PRIM2: variants seen among roughly 807,000 people sequenced by gnomAD.
PRIM2 encodes the protein DNA primase large subunit.
In PRIM2, 39 loss-of-function variants were observed where a neutral mutation model predicts 67.3. The observed-to-expected ratio is 0.58, with a 90% CI of 0.45 to 0.76. PRIM2 has a LOEUF of 0.76. Among genes scored for constraint, PRIM2 ranks in the 30% least tolerant of loss-of-function variants. The pLI, the probability that PRIM2 is intolerant of heterozygous loss-of-function variation, is 0.00. For missense variants in PRIM2, 398 were observed against 598.7 expected (o/e 0.66, Z 3.50); for synonymous variants, 143 against 198.7 (o/e 0.72, Z 2.36).
intron 7 of PRIM2, among the ~76,000 whole-genome samples, chr6:57,452,250 G>T (rs938617342): frequency 1.3e-5 from 2 of 152,098 alleles, no homozygotes; most frequent in African/African-American, 4.8e-5. Flanking sequence ...ACATATGTGT[G>T]CATGTGTCTT....
the PRIM2 span, among the ~76,000 whole-genome samples, chr6:57,255,423 G>A: frequency 2.0e-5 from 3 of 151,770 alleles, no homozygotes; most frequent in South Asian, 2.1e-4. Flanking sequence ...GCGTGAACCC[G>A]GGAGGCAGAG....
At chr6:57,307,238 A>C in the PRIM2 span, among the ~76,000 whole-genome samples, 1 of 133,134 alleles carries the variant, frequency 7.5e-6, no homozygotes, top group Non-Finnish European at 1.6e-5. Context: ...AAATAAAAAA[A>C]TAAATGCTAA....
At chr6:57,341,583 A>G (rs1768492871) in intron 5 of PRIM2, among the ~76,000 whole-genome samples, 2 of 152,136 alleles carry the variant, frequency 1.3e-5, no homozygotes, top group South Asian at 2.1e-4. Context: ...TTTCCATTTC[A>G]TTGTAGGCTT....
At chr6:57,418,079 G>A (rs1399302685) in intron 7 of PRIM2, among the ~76,000 whole-genome samples, 2 of 152,098 alleles carry the variant, frequency 1.3e-5, no homozygotes, top group African/African-American at 2.4e-5. Context: ...AAATTGTATT[G>A]TAAAATAAAT....
chr6:57,519,481 C>G (rs1458241759), intron 8 of PRIM2, among the ~76,000 whole-genome samples: 1 of 152,194 alleles, frequency 6.6e-6, no homozygotes. Context: ...AGGAATTCAG[C>G]GACATTTCTT....
chr6:57,643,530 TTC>T (rs1777283205), intron 13 of PRIM2, among the ~76,000 whole-genome samples: 1 of 152,226 alleles, frequency 6.6e-6, no homozygotes, highest in Non-Finnish European at 1.5e-5. Flanking sequence ...TAATCTCTGA[TTC>T]TCTGTTTACA....
chr6:57,591,531 A>G (rs1430519414), intron 10 of PRIM2, among the ~76,000 whole-genome samples: 1 of 151,918 alleles, frequency 6.6e-6, no homozygotes, highest in African/African-American at 2.4e-5. Flanking sequence ...AGTTTAGCAG[A>G]CTCTCACTTT....
At chr6:57,375,371 A>T (rs9475900) in intron 5 of PRIM2, among the ~76,000 whole-genome samples, 13,538 of 151,920 alleles carry the variant, frequency 0.089, 1,138 homozygotes, top group African/African-American at 0.25. Context: ...AATCACATTT[A>T]TTGATTTGTG....
intron 7 of PRIM2, among the ~76,000 whole-genome samples, chr6:57,395,874 T>G (rs1770500540): frequency 1.3e-5 from 2 of 152,082 alleles, no homozygotes; most frequent in Admixed American, 6.6e-5. Flanking sequence ...TTATTGTTAT[T>G]CAGTTCAAAT....
chr6:57,381,262 T>G (rs1769951564), intron 6 of PRIM2, among the ~76,000 whole-genome samples: 1 of 152,198 alleles, frequency 6.6e-6, no homozygotes, highest in Non-Finnish European at 1.5e-5. Flanking sequence ...TACAGAAAAT[T>G]GTATGCATTT....
chr6:57,222,642 A>G, the PRIM2 span, among the ~76,000 whole-genome samples: 18 of 152,240 alleles, frequency 1.2e-4, no homozygotes, highest in Non-Finnish European at 8.8e-5. Context: ...AAAGTCGAAA[A>G]CGCACTCACA....
chr6:57,279,337 C>T, the PRIM2 span, among the ~76,000 whole-genome samples: 4 of 152,128 alleles, frequency 2.6e-5, no homozygotes, highest in Admixed American at 1.3e-4. Flanking sequence ...GAAATTTCTG[C>T]TTCACACCCT....
chr6:57,256,631 TACACAC>T, the PRIM2 span, among the ~76,000 whole-genome samples: 12,388 of 140,818 alleles, frequency 0.088, 537 homozygotes, highest in Non-Finnish European at 0.1. Context: ...CTCTTTCTCT[TACACAC>T]ACACACACAC....
intron 7 of PRIM2, among the ~76,000 whole-genome samples, chr6:57,458,089 G>A (rs9475983): frequency 2.6e-5 from 4 of 151,936 alleles, no homozygotes; most frequent in Non-Finnish European, 5.9e-5. Context: ...CTTGTGTATC[G>A]GTCAAAATAA....
intron 5 of PRIM2, among the ~76,000 whole-genome samples, chr6:57,333,336 A>G (rs1439787279): frequency 2.0e-5 from 3 of 152,154 alleles, no homozygotes; most frequent in African/African-American, 7.2e-5. Flanking sequence ...TTTTATTGGC[A>G]TTTTGGAGAT....
At chr6:57,485,052 T>C (rs1209334623) in intron 7 of PRIM2, among the ~76,000 whole-genome samples, 1 of 152,160 alleles carries the variant, frequency 6.6e-6, no homozygotes, top group African/African-American at 2.4e-5. Flanking sequence ...AATTAAGTTG[T>C]AAGGACAAGT....
chr6:57,529,971 G>A (rs1177378602), intron 8 of PRIM2, among the ~76,000 whole-genome samples: 9 of 151,774 alleles, frequency 5.9e-5, no homozygotes, highest in Admixed American at 5.2e-4. Flanking sequence ...CATGGCGAGG[G>A]GGCTGAGTGT....
chr6:57,432,735 T>A (rs1771877183), intron 7 of PRIM2, among the ~76,000 whole-genome samples: 1 of 152,228 alleles, frequency 6.6e-6, no homozygotes, highest in Admixed American at 6.5e-5. Flanking sequence ...TTTAAAAAAA[T>A]TCCTGTAGAA....
At chr6:57,479,370 A>C (rs1258352193) in intron 7 of PRIM2, among the ~76,000 whole-genome samples, 5 of 152,140 alleles carry the variant, frequency 3.3e-5, no homozygotes, top group Non-Finnish European at 7.4e-5. Context: ...AAAAGCATCA[A>C]ACTTTAAAAC....
Sources: gnomAD v4.1 joint callset for allele counts (sites outside exome capture counted in the v4.1 genomes callset) on GRCh38, gnomAD v4.1.1 for gene constraint, MANE v1.5 for transcripts, NCBI Gene and HGNC (gene_info 2026-07-23, HGNC 2026-07-21) for gene names.